Variants in SPEN observed in about 807,000 individuals in gnomAD.
SPEN encodes msx2-interacting protein.
SPEN carries 18 observed loss-of-function variants against 269.9 expected under a neutral mutation model. That is an observed-to-expected ratio of 0.07 (90% CI 0.05 to 0.10). The LOEUF (loss-of-function observed/expected upper bound fraction) is 0.10, where lower values mean the gene tolerates loss of function less well. Among genes scored for constraint, SPEN ranks in the 10% least tolerant of loss-of-function variants. The pLI, the probability that SPEN is intolerant of heterozygous loss-of-function variation, is 1.00. For missense variants in SPEN, 3,822 were observed against 4,631.2 expected (o/e 0.83, Z 5.07); for synonymous variants, 1,726 against 1,765.7 (o/e 0.98, Z 0.56).
intron 3 of SPEN, among the ~76,000 whole-genome samples, chr1:15,891,119 G>T (rs1199185435): frequency 6.6e-6 from 1 of 152,136 alleles, no homozygotes; most frequent in Admixed American, 6.6e-5. Context: ...TATGTGTGTG[G>T]GTTTTAACAA....
chr1:15,857,513 CG>C (rs1355061474), intron 1 of SPEN, among the ~76,000 whole-genome samples: 4 of 151,586 alleles, frequency 2.6e-5, no homozygotes, highest in Non-Finnish European at 5.9e-5. Flanking sequence ...TGTGCTACCA[CG>C]CCCAGCTAGT....
intron 3 of SPEN, among the ~76,000 whole-genome samples, chr1:15,884,550 T>A (rs1377839051): frequency 6.6e-6 from 1 of 152,184 alleles, no homozygotes; most frequent in Non-Finnish European, 1.5e-5. Context: ...TCTCTTTTTT[T>A]AAAAACAGGT....
chr1:15,848,266 C>A lies in SPEN; in HGVS notation c.83+116C>A. On this transcript the variant is annotated intron_variant, in intron 1 of 14. Transcript: ENST00000375759. This position sits in a 1 kb window ranked among gnomAD's most constrained non-coding sequence, Gnocchi z 5.1. ...GGTGAGGAGGACTCCGGCCCGGACCCACGGGCGCTGTGGGACCTCGTCAGC... is the reference window on the plus strand; with the variant it reads ...GGTGAGGAGGACTCCGGCCCGGACCAACGGGCGCTGTGGGACCTCGTCAGC... 3.3e-6 allele frequency: 2 copies of A among 609,984 alleles called. No individual in the cohort carries two copies. Among genetic ancestry groups the A allele is most frequent in the East Asian group, 4.0e-5 (1 of 25,100 alleles). The allele number at this position is 609,984 out of a possible 1,614,324, so 37.8% of individuals were successfully genotyped here. A position where few individuals can be genotyped will look rare whatever the true frequency, so the allele number is the denominator to read the frequency against.
chr1:15,936,057 A>G lies in SPEN; in HGVS notation c.9817A>G (p.Thr3273Ala). ...PHGEARILTV[T>A]PSNQLQGLPL... is the part of the protein sequence containing the mutation. ...TGGTGAGGCCCGTATCCTCACAGTT[A>G]CCCCCAGTAACCAACTCCAGGGGCT... The change falls in exon 11 of 15, where the codon ACC becomes GCC. Residue 3273 changes from threonine to alanine, a missense_variant. Physicochemically the swap from Thr to Ala is moderately conservative, Grantham distance 58. Coordinates refer to ENST00000375759, the MANE Select transcript of SPEN (RefSeq NM_015001.3). 1 of 1,581,622 alleles carries G rather than the reference A, an allele frequency of 6.3e-7. No individual in the cohort carries two copies. Among genetic ancestry groups the G allele is most frequent in the Non-Finnish European group, 8.6e-7 (1 of 1,162,840 alleles).
intron 3 of SPEN, among the ~76,000 whole-genome samples, chr1:15,882,259 C>T (rs901282426): frequency 1.3e-5 from 2 of 152,134 alleles, no homozygotes; most frequent in African/African-American, 2.4e-5. Flanking sequence ...ATTTTAAATG[C>T]GTAAATTCCA....
At chr1:15,909,502 C>T (rs1173698123) in intron 4 of SPEN, 21 bp downstream of exon 4, 1 of 1,610,894 alleles carries the variant, frequency 6.2e-7, no homozygotes, top group South Asian at 1.1e-5. Context: ...GTGTGAATGT[C>T]CTTTCCTCTG....
Position 15,930,141 on chromosome 1 carries a change from A to G in SPEN, c.3901A>G (p.Thr1301Ala). The G allele has an allele frequency of 6.2e-7, 1 of 1,614,218 alleles. No individual in the cohort carries two copies. The highest frequency in any genetic ancestry group is 8.5e-7 in the Non-Finnish European group (1 of 1,180,046). ...DEKVLPYSNI[T>A]VREESLKFNP... ...AAAAGTCCTCCCCTATTCTAACATA[A>G]CAGTCAGGGAAGAGTCTTTAAAATT... Residue 1301 changes from threonine (T) to alanine (A), a missense_variant, in exon 11 of 15, where the codon ACA becomes GCA. This residue lies in a region of SPEN where 267 missense variants were observed against 315.5 expected (regional missense o/e 0.85). Transcript: ENST00000375759. This position sits in a 1 kb window ranked among gnomAD's most constrained non-coding sequence, Gnocchi z 5.3.
intron 3 of SPEN, among the ~76,000 whole-genome samples, chr1:15,896,187 CTTTTTTTTTTT>C (rs34846762): frequency 5.8e-5 from 4 of 69,208 alleles, no homozygotes; most frequent in African/African-American, 7.6e-5. Flanking sequence ...TTTACCATCA[CTTTTTTTTTTT>C]TTTTTTTTTT....
intron 3 of SPEN, among the ~76,000 whole-genome samples, chr1:15,895,854 T>A (rs1437458868): frequency 6.6e-6 from 1 of 151,846 alleles, no homozygotes; most frequent in Non-Finnish European, 1.5e-5. Flanking sequence ...TAATTTTTTT[T>A]TATATTTTTA....
chr1:15,935,968 C>T lies in SPEN; in HGVS notation c.9728C>T (p.Pro3243Leu). ...AAGACACCAGATGCCAAAGCTGCCCCCACCCCCACCCCTGCCCCCGTCCCT... is the reference window on the plus strand; with the variant it reads ...AAGACACCAGATGCCAAAGCTGCCCTCACCCCCACCCCTGCCCCCGTCCCT... ...AAKTPDAKAA[P>L]TPTPAPVPVP... Residue 3243 changes from proline (P) to leucine (L), a missense_variant, in exon 11 of 15, where the codon CCC becomes CTC. Physicochemically the swap from Pro to Leu is moderately conservative, Grantham distance 98 (BLOSUM62 -3). Around this residue, in one of 16 missense-constraint regions of SPEN, gnomAD observed 359 missense variants for 377.3 expected, o/e 0.95. Coordinates refer to ENST00000375759, the MANE Select transcript of SPEN (RefSeq NM_015001.3). The surrounding 1 kb of genome is among the most constrained non-coding windows in gnomAD (Gnocchi z 7.7). The T allele has an allele frequency of 6.5e-7, 1 of 1,549,132 alleles. No individual in the cohort carries two copies. Among genetic ancestry groups the T allele is most frequent in the Non-Finnish European group, 8.7e-7 (1 of 1,148,884 alleles).
chr1:15,897,984 C>T (rs2070859252), intron 3 of SPEN, among the ~76,000 whole-genome samples: 2 of 152,170 alleles, frequency 1.3e-5, no homozygotes, highest in African/African-American at 4.8e-5. Context: ...AGGTCTGACT[C>T]ATTGCCCTGA....
At chr1:15,872,026 G>C (rs1034532482) in intron 1 of SPEN, among the ~76,000 whole-genome samples, 1 of 151,670 alleles carries the variant, frequency 6.6e-6, no homozygotes, top group Non-Finnish European at 1.5e-5. Flanking sequence ...CCTGAGGTCA[G>C]GAGTGCAAGA....
At chr1:15,858,442 T>G (rs1395547356) in intron 1 of SPEN, among the ~76,000 whole-genome samples, 1 of 152,082 alleles carries the variant, frequency 6.6e-6, no homozygotes, top group African/African-American at 2.4e-5. Flanking sequence ...CACCGTGTAG[T>G]CCTCCTAGTT....
chr1:15,918,271 C>T (rs978259847), intron 6 of SPEN, among the ~76,000 whole-genome samples: 4 of 152,166 alleles, frequency 2.6e-5, no homozygotes, highest in Admixed American at 6.5e-5. Context: ...TTGTCACCTG[C>T]GCAATGGCGC....
chr1:15,929,340 G>A lies in SPEN; in HGVS notation c.3100G>A (p.Glu1034Lys). The part of the protein sequence containing the change: ...SREVILLREG[E>K]AERKPVRKEI... ...AGAGGTCATTCTGCTGAGGGAAGGA[G>A]AGGCTGAAAGAAAGCCTGTGAGGAA... The change falls in exon 11 of 15, where the codon GAG becomes AAG. Residue 1034 changes from glutamate (E) to lysine (K), a missense_variant. Physicochemically the swap from Glu to Lys is moderately conservative, Grantham distance 56. Transcript: ENST00000375759. This position sits in a 1 kb window ranked among gnomAD's most constrained non-coding sequence, Gnocchi z 5.8. 6.2e-7 allele frequency: 1 copy of A among 1,613,158 alleles called. No individual in the cohort carries two copies. The highest frequency in any genetic ancestry group is 1.1e-5 in the South Asian group (1 of 90,866).
intron 1 of SPEN, among the ~76,000 whole-genome samples, chr1:15,867,108 C>T (rs528107781): frequency 3.3e-5 from 5 of 152,136 alleles, no homozygotes; most frequent in South Asian, 2.1e-4. Flanking sequence ...TTCATCACCC[C>T]AGAATGAAAC....
rs199504317 is a variant in SPEN, at chr1:15,928,526, G to A, written c.2286G>A (p.Arg762=). ...ERRLYSRSSD[R]SGSCSSLSPP... Reference sequence around the variant, plus strand: ...GGCTTTACAGCCGATCCTCAGACCGGAGTGGAAGCTGTAGCTCACTCTCCC... The same window carrying A: ...GGCTTTACAGCCGATCCTCAGACCGAAGTGGAAGCTGTAGCTCACTCTCCC... The change falls in exon 11 of 15, where the codon CGG becomes CGA. Residue 762 remains arginine (R), a synonymous_variant. Transcript: ENST00000375759. This position sits in a 1 kb window ranked among gnomAD's most constrained non-coding sequence, Gnocchi z 5.7. The A allele has an allele frequency of 1.6e-5, 26 of 1,614,158 alleles. No homozygotes were observed. The Admixed American group carries it at 2.5e-4, about 16-fold the overall frequency.
At chr1:15,922,720 T>G (rs2071131343) in intron 10 of SPEN, among the ~76,000 whole-genome samples, 1 of 152,128 alleles carries the variant, frequency 6.6e-6, no homozygotes, top group African/African-American at 2.4e-5. Context: ...CCTTATAGGC[T>G]CAAGTGATCC....
Position 15,930,050 on chromosome 1 carries a change from T to C in SPEN, c.3810T>C (p.His1270=). The C allele has an allele frequency of 6.2e-7, 1 of 1,614,156 alleles. No individual in the cohort carries two copies. Among genetic ancestry groups the C allele is most frequent in the Non-Finnish European group, 8.5e-7 (1 of 1,180,032 alleles). The change falls in exon 11 of 15, where the codon CAT becomes CAC. Residue 1270 remains histidine (H), a synonymous_variant. Coordinates refer to ENST00000375759, the MANE Select transcript of SPEN (RefSeq NM_015001.3). This position sits in a 1 kb window ranked among gnomAD's most constrained non-coding sequence, Gnocchi z 5.3. Reference sequence around the variant, plus strand: ...CCAGTGTCCGACATGGTTCCTTCCATGAAGATGAGGATCCCATAGGCTCCC... The same window carrying C: ...CCAGTGTCCGACATGGTTCCTTCCACGAAGATGAGGATCCCATAGGCTCCC... ...GSPSVRHGSF[H]EDEDPIGSPR... is the part of the protein sequence containing the mutation.
Sources: gnomAD v4.1 joint callset for allele counts (sites outside exome capture counted in the v4.1 genomes callset) on GRCh38, gnomAD v4.1.1 for gene constraint, gnomAD v4.1.1 regional missense constraint, Gnocchi (gnomAD v3.1) non-coding constraint, MANE v1.5 for transcripts, NCBI Gene and HGNC (gene_info 2026-07-23, HGNC 2026-07-21) for gene names.